Variants in EDC3 observed in about 807,000 individuals in gnomAD.
EDC3 encodes the protein enhancer of mRNA decapping 3.
EDC3 carries 20 observed loss-of-function variants against 41.8 expected under a neutral mutation model. That is an observed-to-expected ratio of 0.48 (90% CI 0.34 to 0.70). The LOEUF is 0.70. EDC3 is among the 30% of genes least tolerant of loss of function. The pLI is 0.01. For synonymous variants in EDC3, 206 were observed against 243.2 expected, an observed-to-expected ratio of 0.85 and a Z score of 1.42; for missense variants, 444 against 636.8, an observed-to-expected ratio of 0.70 and a Z score of 3.26.
At position 74,640,580 on chromosome 15, in the gene EDC3, T is replaced by G. The variant is rs1726512331; in HGVS notation, c.860A>C (p.His287Pro). ...LVVPSISYEL[H>P]KKLLSVAEKH... ...CTCAGCCACGGACAACAGCTTTTTA[T>G]GCAGCTCATAGGAAATACTTGGGAC... The change falls in exon 5 of 7, where the codon CAT becomes CCT. Residue 287 changes from histidine (H) to proline (P), a missense_variant. By Grantham distance (77) the His-to-Pro change is moderately conservative (BLOSUM62 -2). Transcript: ENST00000315127. 6.2e-7 allele frequency: 1 copy of G among 1,614,230 alleles called. No individual in the cohort carries two copies. The highest frequency in any genetic ancestry group is 8.5e-7 in the Non-Finnish European group (1 of 1,180,036).
chr15:74,685,826 C>T (rs980938279), intron 1 of EDC3, among the ~76,000 whole-genome samples: 1 of 152,132 alleles, frequency 6.6e-6, no homozygotes, highest in Admixed American at 6.5e-5. Flanking sequence ...GAAACCAGCA[C>T]TTGAAACTGT....
At chr15:74,692,834 A>G (rs536685090) in intron 1 of EDC3, 1 of 152,332 alleles carries the variant, frequency 6.6e-6, no homozygotes, top group Admixed American at 6.5e-5. Flanking sequence ...TAAGAAGTCA[A>G]TATTTACTTG....
At chr15:74,682,853 T>C (rs971661722) in intron 1 of EDC3, among the ~76,000 whole-genome samples, 1 of 151,238 alleles carries the variant, frequency 6.6e-6, no homozygotes, top group African/African-American at 2.4e-5. Flanking sequence ...AGAAATCCTG[T>C]CTCTACTAAA....
intron 1 of EDC3, among the ~76,000 whole-genome samples, chr15:74,683,732 A>T (rs1052147736): frequency 1.3e-5 from 2 of 152,202 alleles, no homozygotes; most frequent in South Asian, 4.1e-4. Context: ...TTAAAAAAAA[A>T]ATCAATGCCT....
At chr15:74,661,576 G>A (rs995655763) in intron 3 of EDC3, among the ~76,000 whole-genome samples, 3 of 151,750 alleles carry the variant, frequency 2.0e-5, no homozygotes, top group Non-Finnish European at 2.9e-5. Flanking sequence ...TCAGAAGTTC[G>A]AGACCAGCAC....
rs560360322 is a variant in EDC3, at chr15:74,654,006, G to A, written c.820+1727C>T. 9.8e-4 allele frequency among the ~76,000 whole-genome samples: 149 copies of A among 152,008 alleles called. 1 individual carries two copies. The highest frequency in any genetic ancestry group is 2.4e-3 in the Admixed American group (36 of 15,264). ...GGTGGCTCACACCTGTAATCCCAGC[G>A]CTTTGGGAGGCCAAAGCAGGTGGAT... is the stretch of plus-strand genomic sequence containing the variant. On this transcript the variant is annotated intron_variant, in intron 4 of 6. Transcript: ENST00000315127.
intron 1 of EDC3, among the ~76,000 whole-genome samples, chr15:74,688,634 G>C (rs2062965469): frequency 3.3e-5 from 5 of 152,160 alleles, no homozygotes; most frequent in Admixed American, 3.3e-4. Flanking sequence ...GGCCAGGCAT[G>C]GTGGCTCATG....
At chr15:74,681,534 T>C (rs1014283853) in intron 1 of EDC3, among the ~76,000 whole-genome samples, 4 of 151,204 alleles carry the variant, frequency 2.6e-5, no homozygotes, top group Admixed American at 6.6e-5. Context: ...CAAGACTATA[T>C]AGTATTGGCA....
chr15:74,675,178 GA>G, intron 1 of EDC3, 36 bp from the exon 2 acceptor site: 1 of 1,587,532 alleles, frequency 6.3e-7, no homozygotes, highest in Non-Finnish European at 8.6e-7. Context: ...GTGCCTTGGT[GA>G]AAAGACAAAC....
At chr15:74,664,563 T>C (rs959584934) in intron 3 of EDC3, among the ~76,000 whole-genome samples, 1 of 152,236 alleles carries the variant, frequency 6.6e-6, no homozygotes, top group African/African-American at 2.4e-5. Flanking sequence ...AGTGGGAACT[T>C]TGTCCTGCAC....
At chr15:74,660,562 A>G (rs1461322948) in intron 3 of EDC3, among the ~76,000 whole-genome samples, 3 of 151,940 alleles carry the variant, frequency 2.0e-5, no homozygotes, top group African/African-American at 7.3e-5. Context: ...CAGAATGGGT[A>G]TGAAAATACA....
chr15:74,691,815 CTGGGTTTTTT>C (rs777361116), intron 1 of EDC3, among the ~76,000 whole-genome samples: 15 of 152,018 alleles, frequency 9.9e-5, no homozygotes, highest in Non-Finnish European at 1.3e-4. Context: ...CGGCTATTTT[CTGGGTTTTTT>C]TGGGTTTTTT....
intron 3 of EDC3, among the ~76,000 whole-genome samples, chr15:74,670,531 G>A (rs548049877): frequency 2.0e-5 from 3 of 152,302 alleles, no homozygotes; most frequent in Non-Finnish European, 2.9e-5. Context: ...CTGGGTTCAA[G>A]GGATTCTCCT....
intron 3 of EDC3, among the ~76,000 whole-genome samples, 177 bp from the exon 4 acceptor site, chr15:74,656,245 T>C (rs1388387314): frequency 1.3e-5 from 2 of 151,816 alleles, no homozygotes; most frequent in African/African-American, 4.8e-5. Flanking sequence ...CAATAATAGG[T>C]TTCAAACATC....
chr15:74,653,652 A>T (rs1218721887), intron 4 of EDC3, among the ~76,000 whole-genome samples: 1 of 152,184 alleles, frequency 6.6e-6, no homozygotes, highest in Non-Finnish European at 1.5e-5. Context: ...ACATACCACA[A>T]GACGCCACAC....
At chr15:74,658,277 A>G (rs2062575006) in intron 3 of EDC3, among the ~76,000 whole-genome samples, 1 of 152,150 alleles carries the variant, frequency 6.6e-6, no homozygotes, top group Admixed American at 6.5e-5. Context: ...AGCCCCTCAC[A>G]TATACTAAAC....
intron 1 of EDC3, among the ~76,000 whole-genome samples, chr15:74,685,379 G>C (rs951743351): frequency 2.0e-5 from 3 of 152,144 alleles, no homozygotes; most frequent in African/African-American, 7.2e-5. Flanking sequence ...CCCCAGCCTA[G>C]ATGACAGAGT....
chr15:74,655,135 TA>T (rs1323270650), intron 4 of EDC3, among the ~76,000 whole-genome samples: 1 of 152,076 alleles, frequency 6.6e-6, no homozygotes, highest in Non-Finnish European at 1.5e-5. Context: ...GTTCTAATGC[TA>T]AAAAAAGAAA....
rs572595059 is a variant in EDC3 at position 74,656,942 on chromosome 15, C to T, written c.485-874G>A. On this transcript the variant is annotated intron_variant, in intron 3 of 6. Transcript: ENST00000315127. Reference sequence around the variant, plus strand: ...AAGAATTTGGCTGGAGACAGCCAGACTTAAGGGGAAAATTACCTACCCACC... The same window carrying T: ...AAGAATTTGGCTGGAGACAGCCAGATTTAAGGGGAAAATTACCTACCCACC... Among the ~76,000 whole-genome samples the T allele has an allele frequency of 5.9e-5, 9 of 152,320 alleles. No homozygotes were observed. In the East Asian group the frequency reaches 1.5e-3, roughly 26 times the overall value.
Sources: allele counts gnomAD v4.1 joint callset (sites outside exome capture counted in the v4.1 genomes callset), GRCh38; gene constraint gnomAD v4.1.1; transcripts MANE v1.5; gene names NCBI Gene and HGNC (gene_info 2026-07-23, HGNC 2026-07-21).